The following KLHL3 variants were observed in gnomAD, a reference collection of about 807,000 sequenced individuals.
KLHL3 encodes the protein kelch-like protein 3.
In KLHL3, 19 loss-of-function variants were observed where a neutral mutation model predicts 70.5. The observed-to-expected ratio is 0.27, with a 90% confidence interval of 0.19 to 0.40. The LOEUF (loss-of-function observed/expected upper bound fraction) is 0.40, where lower values mean the gene tolerates loss of function less well. Ranked by LOEUF, KLHL3 falls within the 10% of genes least tolerant of loss-of-function variation. The pLI, the probability that KLHL3 is intolerant of heterozygous loss-of-function variation, is 1.00. For synonymous variants in KLHL3, 258 were observed against 290.3 expected (o/e 0.89, Z 1.13); for missense variants, 512 against 771.1 (o/e 0.66, Z 3.98).
intron 3 of KLHL3, among the ~76,000 whole-genome samples, chr5:137,708,858 C>G (rs1045259026): frequency 6.6e-6 from 1 of 152,140 alleles, no homozygotes. Flanking sequence ...GACAAGAATG[C>G]AGGGTGACAG....
intron 4 of KLHL3, 177 bp from the exon 5 acceptor site, chr5:137,692,624 G>A (rs187703323): frequency 3.5e-5 from 21 of 602,786 alleles, no homozygotes; most frequent in East Asian, 2.0e-4. Context: ...TGCCCTTCAC[G>A]GACCCTAAAC....
intron 8 of KLHL3, among the ~76,000 whole-genome samples, chr5:137,656,136 C>T (rs1285235682): frequency 6.6e-6 from 1 of 151,814 alleles, no homozygotes; most frequent in Admixed American, 6.6e-5. Flanking sequence ...TAATCTCACT[C>T]CCAATGAAAG....
At chr5:137,717,509 C>T (rs1752917383) in intron 2 of KLHL3, among the ~76,000 whole-genome samples, 1 of 152,178 alleles carries the variant, frequency 6.6e-6, no homozygotes, top group South Asian at 2.1e-4. Context: ...CGGCCTGGGC[C>T]ACACGAGTGA....
At chr5:137,690,509 C>G (rs1752293555) in intron 5 of KLHL3, among the ~76,000 whole-genome samples, 3 of 152,064 alleles carry the variant, frequency 2.0e-5, no homozygotes, top group African/African-American at 7.2e-5. Context: ...GGCAGAGAAG[C>G]AGAAGGGTCA....
chr5:137,639,111 C>T lies in KLHL3; in HGVS notation c.1061G>A (p.Gly354Glu). The change falls in exon 10 of 15, where the codon GGG (glycine) becomes GAG (glutamate). Residue 354 changes from glycine (G) to glutamate (E), a missense_variant. Coordinates refer to ENST00000309755, the MANE Select transcript of KLHL3 (RefSeq NM_017415.3). This position sits in a 1 kb window ranked among gnomAD's most constrained non-coding sequence, Gnocchi z 5.0. ...CCGCACCCGCAGTGAGCCATTAAAC[C>T]CTCCCACGGCATACACGTGGCCAGC... Reference protein sequence around the residue: ...FMAGHVYAVGGFNGSLRVRTV... With the variant: ...FMAGHVYAVGEFNGSLRVRTV... The T allele has an allele frequency of 6.2e-7, 1 of 1,614,018 alleles. No homozygotes were observed. The highest frequency in any genetic ancestry group is 8.5e-7 in the Non-Finnish European group (1 of 1,179,970).
chr5:137,691,211 T>C (rs1395678074), intron 5 of KLHL3, among the ~76,000 whole-genome samples: 1 of 152,192 alleles, frequency 6.6e-6, no homozygotes, highest in African/African-American at 2.4e-5. Context: ...CCATACACTA[T>C]GCAAGAGAAA....
chr5:137,641,692 C>T (rs754632193), intron 8 of KLHL3, among the ~76,000 whole-genome samples: 4 of 152,098 alleles, frequency 2.6e-5, no homozygotes, highest in Non-Finnish European at 5.9e-5. Context: ...CCATTTATTC[C>T]CCAATATTCC....
At chr5:137,690,497 ACGGCAGAGAAG>A (rs1009113071) in intron 5 of KLHL3, among the ~76,000 whole-genome samples, 1 of 152,122 alleles carries the variant, frequency 6.6e-6, no homozygotes, top group African/African-American at 2.4e-5. Context: ...GAGCACAGGA[ACGGCAGAGAAG>A]CAGAAGGGTC....
At chr5:137,680,369 A>G (rs1751992935) in intron 5 of KLHL3, among the ~76,000 whole-genome samples, 1 of 152,162 alleles carries the variant, frequency 6.6e-6, no homozygotes, top group Non-Finnish European at 1.5e-5. Context: ...ATGCTCATCC[A>G]TAAAAGGCAA....
intron 5 of KLHL3, among the ~76,000 whole-genome samples, chr5:137,679,511 G>A (rs1397141235): frequency 6.6e-6 from 1 of 152,190 alleles, no homozygotes; most frequent in Non-Finnish European, 1.5e-5. Context: ...GAGGAGGTAA[G>A]AAAGTAAAAT....
chr5:137,705,815 TGAG>T (rs1372941903), intron 3 of KLHL3, among the ~76,000 whole-genome samples: 1 of 152,154 alleles, frequency 6.6e-6, no homozygotes, highest in African/African-American at 2.4e-5. Context: ...GAAACACTGA[TGAG>T]GAGATTTTGG....
chr5:137,634,019 C>A lies in KLHL3; in HGVS notation c.1450+18G>T. 3.1e-6 allele frequency: 5 copies of A among 1,614,058 alleles called. No homozygotes were observed. The highest frequency in any genetic ancestry group is 4.2e-6 in the Non-Finnish European group (5 of 1,180,018). ...TGAGCAAATCAGACACAGCCAGCACCCCGAGGTTCTCCCATACCTGCGCCA... is the reference window on the plus strand; with the variant it reads ...TGAGCAAATCAGACACAGCCAGCACACCGAGGTTCTCCCATACCTGCGCCA... On this transcript the variant is annotated intron_variant, in intron 12 of 14. Transcript: ENST00000309755.
At chr5:137,645,080 A>AT (rs1751010731) in intron 8 of KLHL3, among the ~76,000 whole-genome samples, 1 of 152,242 alleles carries the variant, frequency 6.6e-6, no homozygotes, top group South Asian at 2.1e-4. Context: ...TCATTTCAAT[A>AT]GATGCAGAAA....
chr5:137,639,074 C>G lies in KLHL3; in HGVS notation c.1098G>C (p.Val366=). The change falls in exon 10 of 15, where the codon GTG becomes GTC. Residue 366 remains valine, a synonymous_variant. Coordinates refer to ENST00000309755, the MANE Select transcript of KLHL3 (RefSeq NM_017415.3). This position sits in a 1 kb window ranked among gnomAD's most constrained non-coding sequence, Gnocchi z 5.0. ...NGSLRVRTVD[V]YDGVKDQWTS... ...TCCACTGGTCCTTCACGCCGTCATA[C>G]ACATCCACTGTCCGCACCCGCAGTG... 7 of 1,614,168 alleles carry G rather than the reference C, an allele frequency of 4.3e-6. No individual in the cohort carries two copies. In the South Asian group the frequency reaches 7.7e-5, roughly 18 times the overall value.
intron 5 of KLHL3, among the ~76,000 whole-genome samples, chr5:137,690,195 C>T (rs1314263363): frequency 6.6e-6 from 1 of 152,080 alleles, no homozygotes; most frequent in African/African-American, 2.4e-5. Flanking sequence ...GGCGTGGTGG[C>T]AGGCGCCTGT....
Position 137,639,031 on chromosome 5 carries a change from G to A in KLHL3, c.1141C>T (p.Gln381Ter). 1 of 1,614,152 alleles carries A rather than the reference G, an allele frequency of 6.2e-7. No individual in the cohort carries two copies. The highest frequency in any genetic ancestry group is 8.5e-7 in the Non-Finnish European group (1 of 1,180,020). ...GCGCCCAGTGTGCTCCGGCGCTCCT[G>A]CATGCTGGCAATGGACGTCCACTGG... ...KDQWTSIASM[Q>*]ERRSTLGAAV... Residue 381 changes from glutamine (Q) to a stop codon, truncating the protein, a stop_gained, in exon 10 of 15, where the codon CAG becomes TAG. Coordinates refer to ENST00000309755, the MANE Select transcript of KLHL3 (RefSeq NM_017415.3). LOFTEE classifies it high-confidence loss of function. This position sits in a 1 kb window ranked among gnomAD's most constrained non-coding sequence, Gnocchi z 5.0.
chr5:137,719,918 CTG>C (rs1295745523), intron 2 of KLHL3, among the ~76,000 whole-genome samples: 1 of 152,146 alleles, frequency 6.6e-6, no homozygotes, highest in Non-Finnish European at 1.5e-5. Flanking sequence ...GATTTTTCCC[CTG>C]TGATTAATCA....
chr5:137,702,183 A>T (rs1354467885), intron 3 of KLHL3, among the ~76,000 whole-genome samples: 2 of 152,212 alleles, frequency 1.3e-5, no homozygotes, highest in Non-Finnish European at 2.9e-5. Context: ...AGAAAAGGGG[A>T]TGTAGCTTTA....
At chr5:137,681,070 C>A (rs1327049326) in intron 5 of KLHL3, among the ~76,000 whole-genome samples, 2 of 151,992 alleles carry the variant, frequency 1.3e-5, no homozygotes, top group Non-Finnish European at 2.9e-5. Flanking sequence ...AGGCTGTGGA[C>A]CTGCAAGATC....
Sources: allele counts gnomAD v4.1 joint callset (sites outside exome capture counted in the v4.1 genomes callset), GRCh38; gene constraint gnomAD v4.1.1; non-coding constraint Gnocchi (gnomAD v3.1); transcripts MANE v1.5; gene names NCBI Gene and HGNC (gene_info 2026-07-23, HGNC 2026-07-21).